Variants in CLGN observed in about 807,000 individuals in gnomAD.
CLGN encodes calmegin.
A neutral mutation model predicts 79.1 loss-of-function variants in CLGN; 62 were observed. The ratio of observed to expected loss-of-function variants is 0.78; its 90% CI spans 0.64 to 0.97. The LOEUF (loss-of-function observed/expected upper bound fraction) is 0.97, where lower values mean the gene tolerates loss of function less well. Ranked by LOEUF, CLGN falls within the 50% of genes least tolerant of loss-of-function variation. The pLI is 0.00. For synonymous variants in CLGN, 225 were observed against 224.7 expected, an observed-to-expected ratio of 1.00 and a Z score of -0.01; for missense variants, 647 against 715.5, an observed-to-expected ratio of 0.90 and a Z score of 1.09.
rs751881076 is a variant in CLGN, at chr4:140,413,081, T to G, written c.-3A>C. 2 of 1,604,658 alleles carry G rather than the reference T, an allele frequency of 1.2e-6. No homozygotes were observed. Among genetic ancestry groups the G allele is most frequent in the Non-Finnish European group, 1.7e-6 (2 of 1,177,032 alleles). On this transcript the variant is annotated 5_prime_UTR_variant, in exon 2 of 15. Transcript: ENST00000325617. ...AGCCAAAAGGCTTGGAAATGCATAT[T>G]GATTATCTGTGAAATTAAAAGTAAT...
At chr4:140,398,006 A>C (rs527283981) in intron 8 of CLGN, among the ~76,000 whole-genome samples, 1 of 152,356 alleles carries the variant, frequency 6.6e-6, no homozygotes, top group South Asian at 2.1e-4. Context: ...AGAAAGATAG[A>C]AATTTTAAAC....
Position 140,395,840 on chromosome 4 carries a change from C to G in CLGN, c.1128G>C (p.Leu376=), listed in dbSNP as rs752036983. ...PKYKGVWRPP[L]VDNPNYQGIW... ...TTACCTGATAGTTAGGATTATCGAC[C>G]AGTGGAGGTCTCCATACTCCTTTGT... The change falls in exon 10 of 15, where the codon CTG becomes CTC. Residue 376 remains leucine (L), a synonymous_variant. Transcript: ENST00000325617. The G allele has an allele frequency of 1.5e-5, 23 of 1,519,262 alleles. No homozygotes were observed. Among genetic ancestry groups the G allele is most frequent in the Admixed American group, 4.7e-5 (2 of 42,402 alleles). The allele number at this position is 1,519,262 out of a possible 1,614,324, so 94.1% of individuals were successfully genotyped here.
intron 1 of CLGN, among the ~76,000 whole-genome samples, chr4:140,415,365 G>A (rs1445615477): frequency 6.7e-6 from 1 of 150,340 alleles, no homozygotes; most frequent in Non-Finnish European, 1.5e-5. Flanking sequence ...AACTTTAAAT[G>A]TAAATGGACT....
intron 5 of CLGN, among the ~76,000 whole-genome samples, chr4:140,404,962 A>G (rs1729072305): frequency 6.6e-6 from 1 of 151,958 alleles, no homozygotes; most frequent in African/African-American, 2.4e-5. Context: ...CATGCCAGGC[A>G]TGGTGGGGAG....
In CLGN at chr4:140,398,639, A is replaced by T. The variant is rs2175562; in HGVS notation, c.884+212T>A. Reference sequence around the variant, plus strand: ...AAAACATAAAAAATAAATATATATTAAAAAATGCAACATAATTATCAATAG... The same window carrying T: ...AAAACATAAAAAATAAATATATATTTAAAAATGCAACATAATTATCAATAG... On this transcript the variant is annotated intron_variant, in intron 8 of 14. Transcript: ENST00000325617. Among the ~76,000 whole-genome samples, 8 of 151,864 alleles carry T rather than the reference A, an allele frequency of 5.3e-5. No homozygotes were observed. In the South Asian group the frequency reaches 1.2e-3, roughly 24 times the overall value.
rs1179907837 is a variant in CLGN at position 140,396,922 on chromosome 4, TACAC to T, written c.885-721_885-718del. Reference sequence around the variant, plus strand: ...ATATATATATGTATATATATATATATACACATATATATATATACACATAGCTTCA... The same window carrying T: ...ATATATATATGTATATATATATATATATATATATATATACACATAGCTTCA... On this transcript the variant is annotated intron_variant, in intron 8 of 14. Coordinates refer to ENST00000325617, the MANE Select transcript of CLGN (RefSeq NM_004362.3). 7.9e-3 allele frequency among the ~76,000 whole-genome samples: 1,011 copies of T among 127,562 alleles called. 17 individuals carry two copies. The highest frequency in any genetic ancestry group is 0.017 in the Middle Eastern group (4 of 236). 83.7% of individuals were successfully genotyped at this position (127,562 alleles called of 152,430 possible). A position where few individuals can be genotyped will look rare whatever the true frequency, so the allele number is the denominator to read the frequency against.
chr4:140,392,862 C>T, intron 11 of CLGN, 151 bp from the exon 12 acceptor site: 1 of 614,520 alleles, frequency 1.6e-6, no homozygotes, highest in Non-Finnish European at 2.5e-6. Context: ...CCACCTTATA[C>T]TTTGTAAAGT....
chr4:140,425,435 T>TGGGG (rs1171350940), intron 1 of CLGN, among the ~76,000 whole-genome samples: 2 of 84,046 alleles, frequency 2.4e-5, no homozygotes, highest in African/African-American at 4.0e-5. Flanking sequence ...ATAGGGTGTG[T>TGGGG]GTGTGTGTGT....
At chr4:140,409,218 C>T (rs1478917312) in intron 4 of CLGN, among the ~76,000 whole-genome samples, 1 of 151,938 alleles carries the variant, frequency 6.6e-6, no homozygotes, top group Non-Finnish European at 1.5e-5. Flanking sequence ...GATCTTGCTT[C>T]AGCATATAAC....
At chr4:140,396,678 T>C (rs1728882852) in intron 8 of CLGN, among the ~76,000 whole-genome samples, 1 of 151,524 alleles carries the variant, frequency 6.6e-6, no homozygotes, top group African/African-American at 2.4e-5. Flanking sequence ...TGCCTCAGCC[T>C]CCAGAGTAGC....
chr4:140,406,094 A>G lies in CLGN; in HGVS notation c.278-11T>C, dbSNP rs764319052. On this transcript the variant is annotated splice_polypyrimidine_tract_variant and intron_variant, in intron 4 of 14. Coordinates refer to ENST00000325617, the MANE Select transcript of CLGN (RefSeq NM_004362.3). ...CAATTTCCCATCTTCCTAAAAAATA[A>G]AGCAAAGCAAATTAAACTAAAACAG... is the stretch of plus-strand genomic sequence containing the variant. The G allele has an allele frequency of 6.2e-7, 1 of 1,610,678 alleles. No individual in the cohort carries two copies. The highest frequency in any genetic ancestry group is 1.3e-5 in the African/African-American group (1 of 74,908).
intron 1 of CLGN, among the ~76,000 whole-genome samples, chr4:140,417,888 C>A (rs1366538177): frequency 6.6e-6 from 1 of 151,546 alleles, no homozygotes; most frequent in Admixed American, 6.6e-5. Context: ...GAGCCCGCAT[C>A]GCCAAGTCAA....
intron 8 of CLGN, among the ~76,000 whole-genome samples, chr4:140,397,397 GC>G (rs1323801120): frequency 1.3e-5 from 2 of 151,014 alleles, no homozygotes; most frequent in Admixed American, 6.6e-5. Flanking sequence ...CTCTCTGTCA[GC>G]TATATGATTG....
At chr4:140,420,290 CTT>C (rs934287439) in intron 1 of CLGN, among the ~76,000 whole-genome samples, 1 of 152,134 alleles carries the variant, frequency 6.6e-6, no homozygotes, top group Non-Finnish European at 1.5e-5. Context: ...TTTTTCCTGA[CTT>C]TTCCTTAGAA....
In CLGN at chr4:140,413,017, A is replaced by T. The variant is rs1293692826; in HGVS notation, c.62T>A (p.Phe21Tyr). Residue 21 changes from phenylalanine (F) to tyrosine (Y), a missense_variant, in exon 2 of 15, where the codon TTT becomes TAT. By Grantham distance (22) the Phe-to-Tyr change is conservative. Transcript: ENST00000325617. ...TTCCGTCTCAACATCATCATCCATA[A>T]ATTCTGCATTAATTGAGATGAACAG... ...GLLFISINAE[F>Y]MDDDVETEDF... The T allele has an allele frequency of 6.8e-6, 11 of 1,613,312 alleles. No individual in the cohort carries two copies. The highest frequency in any genetic ancestry group is 9.3e-6 in the Non-Finnish European group (11 of 1,179,568).
intron 8 of CLGN, 114 bp downstream of exon 8, chr4:140,398,737 T>C (rs994974412): frequency 2.9e-5 from 24 of 817,592 alleles, no homozygotes; most frequent in Non-Finnish European, 4.6e-5. Flanking sequence ...ATACTAAAAA[T>C]AAGTAGTTCT....
chr4:140,407,196 G>T (rs1729125030), intron 4 of CLGN, among the ~76,000 whole-genome samples: 1 of 151,854 alleles, frequency 6.6e-6, no homozygotes, highest in South Asian at 2.1e-4. Flanking sequence ...TTTTGAAAAA[G>T]ATTAATGTAC....
At position 140,392,272 on chromosome 4, in the gene CLGN, G is replaced by C; in HGVS notation, c.1598C>G (p.Pro533Arg). The C allele has an allele frequency of 6.2e-7, 1 of 1,613,070 alleles. No homozygotes were observed. ...CTTTTTTTCCTCTTCCAGGTCCATTGGTTTTTCCAGGGCTGCTTTCTCTTC... is the reference window on the plus strand; with the variant it reads ...CTTTTTTTCCTCTTCCAGGTCCATTCGTTTTTCCAGGGCTGCTTTCTCTTC... ...EKEEKAALEK[P>R]MDLEEEKKQN... is the part of the protein sequence containing the mutation. The change falls in exon 13 of 15, where the codon CCA (proline) becomes CGA (arginine). Residue 533 changes from proline (P) to arginine (R), a missense_variant. Pro to Arg is a moderately radical substitution (Grantham distance 103). Transcript: ENST00000325617.
chr4:140,389,965 G>C (rs1333774549), intron 14 of CLGN, among the ~76,000 whole-genome samples: 4 of 151,868 alleles, frequency 2.6e-5, no homozygotes, highest in Non-Finnish European at 4.4e-5. Context: ...AGGCTACCCA[G>C]CTCTTTAAGG....
Sources: gnomAD v4.1 joint callset for allele counts (sites outside exome capture counted in the v4.1 genomes callset) on GRCh38, gnomAD v4.1.1 for gene constraint, MANE v1.5 for transcripts, NCBI Gene and HGNC (gene_info 2026-07-23, HGNC 2026-07-21) for gene names.